CNPY4: variants seen among roughly 807,000 people sequenced by gnomAD.
The protein encoded by CNPY4 is canopy FGF signaling regulator 4.
In CNPY4, 33 loss-of-function variants were observed where a neutral mutation model predicts 30.1. The observed-to-expected ratio is 1.10, with a 90% CI of 0.83 to 1.46. The LOEUF is 1.46. Ranked by LOEUF, CNPY4 falls within the 40% of genes most tolerant of loss-of-function variation. The pLI, the probability that CNPY4 is intolerant of heterozygous loss-of-function variation, is 0.00. For synonymous variants in CNPY4, 109 were observed against 110.1 expected (o/e 0.99, Z 0.06); for missense variants, 324 against 302.6 (o/e 1.07, Z -0.52).
At position 100,124,643 on chromosome 7, in the gene CNPY4, G is replaced by A. The variant is rs1880949; in HGVS notation, c.583+12G>A. 1.9e-6 allele frequency: 3 copies of A among 1,611,678 alleles called. No homozygotes were observed. The highest frequency in any genetic ancestry group is 2.2e-5 in the South Asian group (2 of 91,006). On this transcript the variant is annotated intron_variant, in intron 5 of 5. Coordinates refer to ENST00000262932, the MANE Select transcript of CNPY4 (RefSeq NM_152755.2). ...AGCTGCTGAAACTGGTAAGCGTAAG[G>A]GTTGAACTCCTCTCCTGCCAAGCCA...
In CNPY4 at chr7:100,119,664, G is replaced by C. The variant is rs1292648412; in HGVS notation, c.-81G>C. ...TCGGCTGGATTTAAGGTTGCCGCTA[G>C]CCGCCTGGGAATTTAAGGGACCCAC... On this transcript the variant is annotated 5_prime_UTR_variant, in exon 1 of 6. Coordinates refer to ENST00000262932, the MANE Select transcript of CNPY4 (RefSeq NM_152755.2). The C allele has an allele frequency of 6.2e-7, 1 of 1,611,464 alleles. No homozygotes were observed. The highest frequency in any genetic ancestry group is 1.7e-5 in the Admixed American group (1 of 59,354).
intron 1 of CNPY4, 57 bp downstream of exon 1, chr7:100,119,919 G>A: frequency 6.7e-7 from 1 of 1,495,526 alleles, no homozygotes; most frequent in Non-Finnish European, 9.1e-7. Context: ...CTTCTTCTAG[G>A]CCGGACATCC....
intron 1 of CNPY4, chr7:100,121,116 A>ATATATTTTTTT (rs1584585316): frequency 1.9e-5 from 1 of 52,778 alleles, no homozygotes; most frequent in Non-Finnish European, 3.2e-5. Context: ...ATATATATAT[A>ATATATTTTTTT]TTTTTTTTTT....
rs1278323255 is a variant in CNPY4, at chr7:100,122,320, G to C, written c.180G>C (p.Glu60Asp). The C allele has an allele frequency of 1.2e-6, 2 of 1,614,176 alleles. No individual in the cohort carries two copies. The highest frequency in any genetic ancestry group is 2.2e-5 in the South Asian group (2 of 91,086). ...TGAGTCGCACCGGTCGATCTCGAGA[G>C]GTGCTGGAGCTGGGGCAGGTGCTGG... ...AELSRTGRSREVLELGQVLDT... is the reference protein window; with the variant it reads ...AELSRTGRSRDVLELGQVLDT... The change falls in exon 2 of 6, where the codon GAG becomes GAC. Residue 60 changes from glutamate to aspartate, a missense_variant. Coordinates refer to ENST00000262932, the MANE Select transcript of CNPY4 (RefSeq NM_152755.2).
chr7:100,123,936 C>T (rs1003078013), intron 4 of CNPY4, among the ~76,000 whole-genome samples: 6 of 152,048 alleles, frequency 3.9e-5, no homozygotes, highest in African/African-American at 1.2e-4. Flanking sequence ...CAAGACCAGC[C>T]GGGCCATCAT....
At chr7:100,123,855 G>A (rs1298592003) in intron 4 of CNPY4, among the ~76,000 whole-genome samples, 3 of 152,228 alleles carry the variant, frequency 2.0e-5, no homozygotes, top group Non-Finnish European at 2.9e-5. Context: ...AATGGGCCAG[G>A]TGCGATGGCT....
chr7:100,124,633 T>G lies in CNPY4; in HGVS notation c.583+2T>G, dbSNP rs1468300818. 1.2e-6 allele frequency: 2 copies of G among 1,612,670 alleles called. No individual in the cohort carries two copies. Among genetic ancestry groups the G allele is most frequent in the Admixed American group, 3.3e-5 (2 of 59,876 alleles). On this transcript the variant is annotated splice_donor_variant, in intron 5 of 5. Coordinates refer to ENST00000262932, the MANE Select transcript of CNPY4 (RefSeq NM_152755.2). LOFTEE classifies it high-confidence loss of function. The stretch of plus-strand genomic sequence containing the variant: ...ATGTGCTCCCAGCTGCTGAAACTGG[T>G]AAGCGTAAGGGTTGAACTCCTCTCC...
Position 100,122,919 on chromosome 7 carries a change from A to C in CNPY4, c.465+13A>C. On this transcript the variant is annotated intron_variant, in intron 4 of 5. Transcript: ENST00000262932. ...CCTCAAGAAGCAGGTAGGATAAGAC[A>C]CTGCACCATCCAGGGAGGTGAGAAG... The C allele has an allele frequency of 6.2e-7, 1 of 1,607,254 alleles. No individual in the cohort carries two copies. The highest frequency in any genetic ancestry group is 8.5e-7 in the Non-Finnish European group (1 of 1,176,308).
chr7:100,122,864 T>C lies in CNPY4; in HGVS notation c.423T>C (p.Leu141=), dbSNP rs1041590237. The C allele has an allele frequency of 6.2e-7, 1 of 1,613,634 alleles. No individual in the cohort carries two copies. The part of the protein sequence containing the change: ...VKVDLGIPLE[L]WDEPSVEVTY... Reference sequence around the variant, plus strand: ...TGGATCTGGGGATCCCTCTGGAGCTTTGGGATGAGCCCAGCGTGGAGGTCA... The same window carrying C: ...TGGATCTGGGGATCCCTCTGGAGCTCTGGGATGAGCCCAGCGTGGAGGTCA... The change falls in exon 4 of 6, where the codon CTT becomes CTC. Residue 141 remains leucine (L), a synonymous_variant. Coordinates refer to ENST00000262932, the MANE Select transcript of CNPY4 (RefSeq NM_152755.2).
rs776498769 is a variant in CNPY4 at position 100,124,602 on chromosome 7, A to C, written c.554A>C (p.Glu185Ala). ...CAGCCCCTACAAAATTTTCTCTGTG[A>C]AGGTCATGTGCTCCCAGCTGCTGAA... ...QEQPLQNFLC[E>A]GHVLPAAETA... Residue 185 changes from glutamate to alanine, a missense_variant, in exon 5 of 6, where the codon GAA (glutamate) becomes GCA (alanine). Physicochemically the swap from Glu to Ala is moderately radical, Grantham distance 107 (BLOSUM62 -1). Coordinates refer to ENST00000262932, the MANE Select transcript of CNPY4 (RefSeq NM_152755.2). 1.2e-6 allele frequency: 2 copies of C among 1,613,420 alleles called. No individual in the cohort carries two copies. Among genetic ancestry groups the C allele is most frequent in the South Asian group, 2.2e-5 (2 of 91,032 alleles).
intron 1 of CNPY4, 63 bp from the exon 2 acceptor site, chr7:100,122,196 G>A: frequency 1.2e-6 from 2 of 1,601,616 alleles, no homozygotes. Context: ...CAGGTCATCT[G>A]CAGAATGAAT....
chr7:100,121,779 G>A (rs894350699), intron 1 of CNPY4, among the ~76,000 whole-genome samples: 8 of 151,726 alleles, frequency 5.3e-5, no homozygotes, highest in East Asian at 4.0e-4. Flanking sequence ...GGCCGGGCGT[G>A]GTGGCTCACG....
At position 100,125,447 on chromosome 7, in the gene CNPY4, ATAGTTT is replaced by A. The variant is rs1226666779; in HGVS notation, c.*562_*567del. 6.5e-6 allele frequency: 1 copy of A among 152,676 alleles called. No homozygotes were observed. Among genetic ancestry groups the A allele is most frequent in the Non-Finnish European group, 1.5e-5 (1 of 68,400 alleles). The allele number at this position is 152,676 out of a possible 1,614,324, so 9.5% of individuals were successfully genotyped here. On this transcript the variant is annotated 3_prime_UTR_variant, in exon 6 of 6. Coordinates refer to ENST00000262932, the MANE Select transcript of CNPY4 (RefSeq NM_152755.2). ...CTCAATGTAACCCAGAGCCCACCAT[ATAGTTT>A]TATAGGTGCTCAATTTTCTATATCG...
chr7:100,121,698 C>A (rs1798072322), intron 1 of CNPY4, among the ~76,000 whole-genome samples: 1 of 151,860 alleles, frequency 6.6e-6, no homozygotes, highest in African/African-American at 2.4e-5. Context: ...CCTCAGCCTC[C>A]CAAAGTGCTG....
Position 100,122,471 on chromosome 7 carries a change from C to T in CNPY4, c.246-10C>T. 2 of 1,614,094 alleles carry T rather than the reference C, an allele frequency of 1.2e-6. No individual in the cohort carries two copies. Among genetic ancestry groups the T allele is most frequent in the Non-Finnish European group, 1.7e-6 (2 of 1,180,000 alleles). On this transcript the variant is annotated splice_polypyrimidine_tract_variant and intron_variant, in intron 2 of 5. Coordinates refer to ENST00000262932, the MANE Select transcript of CNPY4 (RefSeq NM_152755.2). Reference sequence around the variant, plus strand: ...CATCCAGGGAATCTTTGTTTCCTCTCTTTCCACAGAGAGACAAGGCTGGAA... The same window carrying T: ...CATCCAGGGAATCTTTGTTTCCTCTTTTTCCACAGAGAGACAAGGCTGGAA...
At chr7:100,119,924 A>C (rs1797980097) in intron 1 of CNPY4, 62 bp downstream of exon 1, 5 of 1,472,408 alleles carry the variant, frequency 3.4e-6, no homozygotes, top group Non-Finnish European at 4.6e-6. Context: ...TCTAGGCCGG[A>C]CATCCTAGCC....
chr7:100,123,897 G>A (rs912233778), intron 4 of CNPY4, among the ~76,000 whole-genome samples: 4 of 152,170 alleles, frequency 2.6e-5, no homozygotes, highest in East Asian at 1.9e-4. Flanking sequence ...TTGGGAGGGC[G>A]AGACAGGCGG....
In CNPY4 at chr7:100,122,388, G is replaced by C. The variant is rs764724700; in HGVS notation, c.245+3G>C. ...AGACACGTGCCTTACAGCGTTTCGT[G>C]AGTCCTTCGTGCTCCTCCCCTTTCC... On this transcript the variant is annotated splice_donor_region_variant and intron_variant, in intron 2 of 5. Coordinates refer to ENST00000262932, the MANE Select transcript of CNPY4 (RefSeq NM_152755.2). The C allele has an allele frequency of 1.9e-6, 3 of 1,613,982 alleles. No individual in the cohort carries two copies. Among genetic ancestry groups the C allele is most frequent in the African/African-American group, 2.7e-5 (2 of 74,908 alleles).
Position 100,125,354 on chromosome 7 carries a change from A to T in CNPY4, c.*466A>T, listed in dbSNP as rs1049924278. Reference sequence around the variant, plus strand: ...ACACACCAGCAAACCGTGAAGGAGAATGGGACACTGGGTCATGGCCTGGAG... The same window carrying T: ...ACACACCAGCAAACCGTGAAGGAGATTGGGACACTGGGTCATGGCCTGGAG... On this transcript the variant is annotated 3_prime_UTR_variant, in exon 6 of 6. Transcript: ENST00000262932. The T allele has an allele frequency of 1.3e-5, 2 of 159,564 alleles. No homozygotes were observed. The highest frequency in any genetic ancestry group is 4.8e-5 in the African/African-American group (2 of 41,506). The allele number at this position is 159,564 out of a possible 1,614,324, so 9.9% of individuals were successfully genotyped here.
Sources: gnomAD v4.1 joint callset for allele counts (sites outside exome capture counted in the v4.1 genomes callset) on GRCh38, gnomAD v4.1.1 for gene constraint, MANE v1.5 for transcripts, NCBI Gene and HGNC (gene_info 2026-07-23, HGNC 2026-07-21) for gene names.